Variants in PTPRN2 observed in about 807,000 individuals in gnomAD.
The protein encoded by PTPRN2 is receptor-type tyrosine-protein phosphatase N2.
A neutral mutation model predicts 118.8 loss-of-function variants in PTPRN2; 74 were observed. The observed-to-expected ratio is 0.62, with a 90% CI of 0.52 to 0.76. The LOEUF (loss-of-function observed/expected upper bound fraction) is 0.76, where lower values mean the gene tolerates loss of function less well. PTPRN2 is among the 30% of genes least tolerant of loss of function. The probability of loss-of-function intolerance (pLI) is 0.00; values close to 1 mark genes in which losing one functional copy is unlikely to be tolerated. For missense variants in PTPRN2, 1,481 were observed against 1,394.4 expected, an observed-to-expected ratio of 1.06 and a Z score of -0.99; for synonymous variants, 641 against 608.0, an observed-to-expected ratio of 1.05 and a Z score of -0.80.
intron 9 of PTPRN2, 84 bp from the exon 10 acceptor site, chr7:158,110,999 G>A (rs1032582956): frequency 3.1e-5 from 37 of 1,194,668 alleles, no homozygotes; most frequent in Admixed American, 6.9e-5. Context: ...CCACAGCCCC[G>A]CTCCCTGGTC....
chr7:158,187,168 T>A (rs991221957), intron 5 of PTPRN2, among the ~76,000 whole-genome samples: 2 of 152,136 alleles, frequency 1.3e-5, no homozygotes, highest in African/African-American at 4.8e-5. Context: ...AAGCTCTGAG[T>A]CATCTCGCTA....
At chr7:158,208,060 G>A (rs1827297568) in intron 3 of PTPRN2, among the ~76,000 whole-genome samples, 1 of 152,194 alleles carries the variant, frequency 6.6e-6, no homozygotes, top group Non-Finnish European at 1.5e-5. Context: ...CAAAGAATTA[G>A]TGAGCTTGAA....
At position 158,194,823 on chromosome 7, in the gene PTPRN2, C is replaced by G. The variant is rs376667312; in HGVS notation, c.381-2328G>C. On this transcript the variant is annotated intron_variant, in intron 4 of 22. Coordinates refer to ENST00000389418, the MANE Select transcript of PTPRN2 (RefSeq NM_002847.5). ...TATAACTGTCACGTTTAACTGACCA[C>G]AGGTTGCCTCCAAGGGACATCACAC... Among the ~76,000 whole-genome samples, 11 of 152,366 alleles carry G rather than the reference C, an allele frequency of 7.2e-5. No individual in the cohort carries two copies. The East Asian group carries it at 1.5e-3, about 21-fold the overall frequency.
chr7:157,844,776 G>A (rs925294861), intron 12 of PTPRN2, among the ~76,000 whole-genome samples: 2 of 152,212 alleles, frequency 1.3e-5, no homozygotes, highest in African/African-American at 4.8e-5. Flanking sequence ...CAGCGGCTCC[G>A]CAGGGGTGAG....
At chr7:157,778,213 G>A (rs777149665) in intron 12 of PTPRN2, among the ~76,000 whole-genome samples, 4 of 152,154 alleles carry the variant, frequency 2.6e-5, no homozygotes, top group Admixed American at 6.5e-5. Flanking sequence ...CGCCTGCATG[G>A]CTCAGGCTGA....
At chr7:157,592,128 C>G (rs553168480) in intron 17 of PTPRN2, among the ~76,000 whole-genome samples, 1 of 152,144 alleles carries the variant, frequency 6.6e-6, no homozygotes, top group African/African-American at 2.4e-5. Flanking sequence ...TAAAATTTGT[C>G]TCTACTTATT....
intron 9 of PTPRN2, among the ~76,000 whole-genome samples, chr7:158,125,908 G>T (rs541686869): frequency 6.6e-6 from 1 of 152,308 alleles, no homozygotes; most frequent in East Asian, 1.9e-4. Flanking sequence ...CACCCTGCTG[G>T]TTCTCGTGAT....
At chr7:157,834,601 G>T (rs1016966059) in intron 12 of PTPRN2, among the ~76,000 whole-genome samples, 1 of 152,256 alleles carries the variant, frequency 6.6e-6, no homozygotes, top group Non-Finnish European at 1.5e-5. Flanking sequence ...GGCACCCAGC[G>T]CAGCTGCGCT....
intron 6 of PTPRN2, among the ~76,000 whole-genome samples, chr7:158,149,499 C>T (rs959357381): frequency 6.6e-6 from 1 of 151,788 alleles, no homozygotes; most frequent in Non-Finnish European, 1.5e-5. Flanking sequence ...AATTAACTCA[C>T]TGATTTTTAA....
chr7:157,901,715 CCG>C (rs879477466), intron 11 of PTPRN2, among the ~76,000 whole-genome samples: 37,443 of 113,488 alleles, frequency 0.33, 6,592 homozygotes, highest in Non-Finnish European at 0.42. Context: ...GCCTTCCCGT[CCG>C]TGTTTCCTGG....
intron 12 of PTPRN2, among the ~76,000 whole-genome samples, chr7:157,886,137 T>C (rs763800125): frequency 1.3e-5 from 2 of 152,166 alleles, no homozygotes; most frequent in Non-Finnish European, 2.9e-5. Flanking sequence ...TAGAGTTCAG[T>C]TGTTTAAATA....
intron 12 of PTPRN2, among the ~76,000 whole-genome samples, chr7:157,818,653 G>A (rs1806594402): frequency 6.8e-6 from 1 of 146,310 alleles, no homozygotes; most frequent in South Asian, 2.1e-4. Flanking sequence ...CTGGGTGTGA[G>A]TCCCTGGGAT....
intron 2 of PTPRN2, among the ~76,000 whole-genome samples, chr7:158,327,638 G>A (rs1444989043): frequency 1.3e-5 from 2 of 152,208 alleles, no homozygotes; most frequent in Non-Finnish European, 2.9e-5. Flanking sequence ...ACCAGCCTGG[G>A]ACCGCCATGC....
chr7:157,966,487 C>CGT (rs1801939150), intron 11 of PTPRN2, among the ~76,000 whole-genome samples: 2 of 152,054 alleles, frequency 1.3e-5, no homozygotes, highest in African/African-American at 4.8e-5. Flanking sequence ...TCATCACAAT[C>CGT]CCCATTATCA....
chr7:158,556,410 C>T lies in PTPRN2; in HGVS notation c.112+31148G>A, dbSNP rs554550734. 1.9e-4 allele frequency among the ~76,000 whole-genome samples: 29 copies of T among 151,978 alleles called. 1 individual carries two copies. The highest frequency in any genetic ancestry group is 5.8e-4 in the African/African-American group (24 of 41,440). ...CTCTACTAAAAATACAAAAATTAGC[C>T]GGGCATGGTGGCGCATGCCTGTAAT... On this transcript the variant is annotated intron_variant, in intron 1 of 22. Coordinates refer to ENST00000389418, the MANE Select transcript of PTPRN2 (RefSeq NM_002847.5).
At chr7:157,788,472 G>A (rs1321091960) in intron 12 of PTPRN2, among the ~76,000 whole-genome samples, 6 of 151,890 alleles carry the variant, frequency 4.0e-5, no homozygotes, top group African/African-American at 7.3e-5. Flanking sequence ...ATCAACCAAC[G>A]TGACCAGAAC....
chr7:157,909,820 G>A (rs1267396269), intron 11 of PTPRN2, among the ~76,000 whole-genome samples: 1 of 152,234 alleles, frequency 6.6e-6, no homozygotes, highest in Non-Finnish European at 1.5e-5. Flanking sequence ...TCCACAAAGC[G>A]AGGATTTGCC....
intron 11 of PTPRN2, among the ~76,000 whole-genome samples, chr7:157,983,583 G>A (rs112762419): frequency 0.021 from 3,171 of 149,232 alleles, 106 homozygotes; most frequent in African/African-American, 0.074. Context: ...CCCCGCCCCC[G>A]CCCACATGTG....
At chr7:158,062,951 T>C (rs542188048) in intron 11 of PTPRN2, among the ~76,000 whole-genome samples, 3 of 152,238 alleles carry the variant, frequency 2.0e-5, no homozygotes, top group Non-Finnish European at 4.4e-5. Flanking sequence ...GGCTGAGGAG[T>C]GTGGGCTCAC....
Sources: allele counts gnomAD v4.1 joint callset (sites outside exome capture counted in the v4.1 genomes callset), GRCh38; gene constraint gnomAD v4.1.1; transcripts MANE v1.5; gene names NCBI Gene and HGNC (gene_info 2026-07-23, HGNC 2026-07-21).